SUFU: variants seen among roughly 807,000 people sequenced by gnomAD.
SUFU encodes suppressor of fused homolog.
SUFU carries 7 observed loss-of-function variants against 58.9 expected under a neutral mutation model. That is an observed-to-expected ratio of 0.12 (90% CI 0.07 to 0.22). SUFU has a LOEUF of 0.22. SUFU is among the 10% of genes least tolerant of loss of function. The pLI, the probability that SUFU is intolerant of heterozygous loss-of-function variation, is 1.00. For missense variants in SUFU, 451 were observed against 641.3 expected (o/e 0.70, Z 3.20); for synonymous variants, 232 against 254.8 (o/e 0.91, Z 0.85).
At chr10:102,564,028 TAGC>T (rs2063064810) in intron 3 of SUFU, among the ~76,000 whole-genome samples, 1 of 152,200 alleles carries the variant, frequency 6.6e-6, no homozygotes, top group Non-Finnish European at 1.5e-5. Context: ...TTGGGGGTGT[TAGC>T]AGCCTCAGCA....
At chr10:102,577,680 T>G (rs999121370) in intron 3 of SUFU, among the ~76,000 whole-genome samples, 2 of 126,898 alleles carry the variant, frequency 1.6e-5, no homozygotes, top group Non-Finnish European at 3.3e-5. Flanking sequence ...GGACTACGAG[T>G]TGTTTTTTTT....
At chr10:102,579,453 C>T (rs544947694) in intron 3 of SUFU, among the ~76,000 whole-genome samples, 1 of 152,334 alleles carries the variant, frequency 6.6e-6, no homozygotes, top group South Asian at 2.1e-4. Context: ...TTCCAGTTTA[C>T]TGAGCATCTC....
intron 3 of SUFU, among the ~76,000 whole-genome samples, chr10:102,583,773 G>A (rs941794232): frequency 6.6e-6 from 1 of 151,888 alleles, no homozygotes; most frequent in Non-Finnish European, 1.5e-5. Context: ...TGTTGCATAT[G>A]TATACATGTG....
chr10:102,504,148 C>T lies in SUFU; in HGVS notation c.-5C>T. On this transcript the variant is annotated 5_prime_UTR_variant, in exon 1 of 12. Transcript: ENST00000369902. Reference sequence around the variant, plus strand: ...GTTCCCCCAGTGCCTGCCCTACGCACCCCGATGGCGGAGCTGCGGCCTAGC... The same window carrying T: ...GTTCCCCCAGTGCCTGCCCTACGCATCCCGATGGCGGAGCTGCGGCCTAGC... The T allele has an allele frequency of 6.5e-7, 1 of 1,541,736 alleles. No individual in the cohort carries two copies. The highest frequency in any genetic ancestry group is 8.7e-7 in the Non-Finnish European group (1 of 1,145,698).
At chr10:102,512,020 T>G (rs983553942) in intron 2 of SUFU, among the ~76,000 whole-genome samples, 11 of 152,168 alleles carry the variant, frequency 7.2e-5, no homozygotes, top group African/African-American at 2.4e-4. Flanking sequence ...CCTCAGAGTT[T>G]GAGCTTTTAA....
intron 2 of SUFU, among the ~76,000 whole-genome samples, chr10:102,512,554 T>A (rs2062413185): frequency 6.6e-6 from 1 of 152,254 alleles, no homozygotes; most frequent in Non-Finnish European, 1.5e-5. Context: ...ATTGTTTTTT[T>A]CTGGTTTAAT....
Position 102,632,902 on chromosome 10 carries a change from C to T in SUFU, c.*2747C>T. 4.3e-6 allele frequency: 1 copy of T among 233,606 alleles called. No homozygotes were observed. Among genetic ancestry groups the T allele is most frequent in the Non-Finnish European group, 8.5e-6 (1 of 118,330 alleles). The allele number at this position is 233,606 out of a possible 1,614,324, so 14.5% of individuals were successfully genotyped here. A position where few individuals can be genotyped will look rare whatever the true frequency, so the allele number is the denominator to read the frequency against. ...GCAATTCTGAGGGGGGTTTGGGAGGCTTGTGCGAGGTCTCAGGCCTGTGTG... is the reference window on the plus strand; with the variant it reads ...GCAATTCTGAGGGGGGTTTGGGAGGTTTGTGCGAGGTCTCAGGCCTGTGTG... On this transcript the variant is annotated 3_prime_UTR_variant, in exon 12 of 12. Transcript: ENST00000369902.
rs999186235 is a variant in SUFU, at chr10:102,582,712, T to C, written c.455-9870T>C. On this transcript the variant is annotated intron_variant, in intron 3 of 11. Coordinates refer to ENST00000369902, the MANE Select transcript of SUFU (RefSeq NM_016169.4). ...AGAGACTCCTTTTGCTATCCTGGAG[T>C]GGTATTTCCCTTCCAGTGAATTTGC... Among the ~76,000 whole-genome samples, 5 of 151,990 alleles carry C rather than the reference T, an allele frequency of 3.3e-5. No homozygotes were observed. In the South Asian group the frequency reaches 8.3e-4, roughly 25 times the overall value.
rs189222768 is a variant in SUFU at position 102,570,527 on chromosome 10, G to T, written c.454+20421G>T. The stretch of plus-strand genomic sequence containing the variant: ...AAGGAGACCATTTATTAATGCTGGG[G>T]TTTTTTTAGTTTTTTGTTTGTTTGT... On this transcript the variant is annotated intron_variant, in intron 3 of 11. Transcript: ENST00000369902. Among the ~76,000 whole-genome samples, 160 of 128,260 alleles carry T rather than the reference G, an allele frequency of 1.2e-3. 1 individual carries two copies. Among genetic ancestry groups the T allele is most frequent in the African/African-American group, 4.2e-3 (144 of 34,410 alleles). The allele number at this position is 128,260 out of a possible 152,430, so 84.1% of individuals were successfully genotyped here. A position where few individuals can be genotyped will look rare whatever the true frequency, so the allele number is the denominator to read the frequency against.
chr10:102,572,450 C>T (rs545267153), intron 3 of SUFU, among the ~76,000 whole-genome samples: 25 of 136,588 alleles, frequency 1.8e-4, no homozygotes, highest in African/African-American at 5.0e-4. Flanking sequence ...AGTGTAGTGG[C>T]GCGATCTTGG....
chr10:102,516,838 C>A (rs2062476874), intron 2 of SUFU, among the ~76,000 whole-genome samples: 1 of 151,890 alleles, frequency 6.6e-6, no homozygotes, highest in South Asian at 2.1e-4. Context: ...TCTAAAAAGC[C>A]TGTAGCTGGG....
At chr10:102,586,490 G>A (rs975521708) in intron 3 of SUFU, among the ~76,000 whole-genome samples, 21 of 151,828 alleles carry the variant, frequency 1.4e-4, no homozygotes, top group African/African-American at 1.5e-4. Context: ...TGGCTAACAC[G>A]GTGAAACCCT....
chr10:102,576,496 T>C (rs2063213587), intron 3 of SUFU, among the ~76,000 whole-genome samples: 1 of 152,204 alleles, frequency 6.6e-6, no homozygotes, highest in Non-Finnish European at 1.5e-5. Flanking sequence ...GTGATGCACC[T>C]TTAGGTTGTT....
intron 4 of SUFU, 59 bp from the exon 5 acceptor site, chr10:102,593,577 C>T (rs1212685614): frequency 6.4e-7 from 1 of 1,570,664 alleles, no homozygotes; most frequent in African/African-American, 1.3e-5. Context: ...GGGTAGCTGA[C>T]CTTCTTGGGG....
At chr10:102,520,526 T>G (rs945680259) in intron 2 of SUFU, among the ~76,000 whole-genome samples, 1 of 152,190 alleles carries the variant, frequency 6.6e-6, no homozygotes, top group African/African-American at 2.4e-5. Flanking sequence ...GGCCAGTTCT[T>G]GGGTTTTGAC....
chr10:102,505,060 A>G (rs1413892511), intron 1 of SUFU, among the ~76,000 whole-genome samples: 1 of 152,026 alleles, frequency 6.6e-6, no homozygotes, highest in Non-Finnish European at 1.5e-5. Context: ...TTAGGTAGAG[A>G]GAACCATGGT....
chr10:102,534,647 C>T (rs1025655940), intron 2 of SUFU, among the ~76,000 whole-genome samples: 3 of 152,312 alleles, frequency 2.0e-5, no homozygotes, highest in South Asian at 2.1e-4. Context: ...GGGCTTGGGC[C>T]AGCACTGAAG....
At chr10:102,592,208 G>A (rs2063409563) in intron 3 of SUFU, among the ~76,000 whole-genome samples, 1 of 152,206 alleles carries the variant, frequency 6.6e-6, no homozygotes, top group South Asian at 2.1e-4. Context: ...CTTCTGGCCA[G>A]GTGGCCCTAC....
At chr10:102,538,101 A>G (rs1361161405) in intron 2 of SUFU, among the ~76,000 whole-genome samples, 2 of 152,220 alleles carry the variant, frequency 1.3e-5, no homozygotes, top group Non-Finnish European at 2.9e-5. Flanking sequence ...AACAGAAAAC[A>G]TTAGAGGCTA....
Sources: gnomAD v4.1 joint callset for allele counts (sites outside exome capture counted in the v4.1 genomes callset) on GRCh38, gnomAD v4.1.1 for gene constraint, MANE v1.5 for transcripts, NCBI Gene and HGNC (gene_info 2026-07-23, HGNC 2026-07-21) for gene names.